The following TRPS1 variants were observed in gnomAD, a reference collection of about 807,000 sequenced individuals.
The protein encoded by TRPS1 is zinc finger transcription factor Trps1.
A neutral mutation model predicts 101.2 loss-of-function variants in TRPS1; 6 were observed. The ratio of observed to expected loss-of-function variants is 0.06; its 90% CI spans 0.03 to 0.12. TRPS1 has a LOEUF of 0.12. TRPS1 is among the 10% of genes least tolerant of loss of function. The pLI, the probability that TRPS1 is intolerant of heterozygous loss-of-function variation, is 1.00. For missense variants in TRPS1, 1,363 were observed against 1,567.0 expected, an observed-to-expected ratio of 0.87 and a Z score of 2.20; for synonymous variants, 578 against 589.8, an observed-to-expected ratio of 0.98 and a Z score of 0.29.
intron 5 of TRPS1, among the ~76,000 whole-genome samples, chr8:115,510,360 T>G (rs549543836): frequency 6.6e-6 from 1 of 152,120 alleles, no homozygotes; most frequent in Non-Finnish European, 1.5e-5. Context: ...GTTCTTAAAA[T>G]TGTGCAGTTG....
chr8:115,426,858 TTAC>T (rs1021851695), intron 5 of TRPS1, among the ~76,000 whole-genome samples: 1 of 152,206 alleles, frequency 6.6e-6, no homozygotes, highest in Non-Finnish European at 1.5e-5. Context: ...GAATTACTAA[TTAC>T]TATTACTCTC....
chr8:115,473,357 G>A (rs1814520663), intron 5 of TRPS1, among the ~76,000 whole-genome samples: 1 of 152,128 alleles, frequency 6.6e-6, no homozygotes, highest in South Asian at 2.1e-4. Flanking sequence ...GATCTCATGA[G>A]AATTCACTCA....
chr8:115,447,468 C>A (rs557714929), intron 5 of TRPS1, among the ~76,000 whole-genome samples: 8 of 152,130 alleles, frequency 5.3e-5, no homozygotes, highest in African/African-American at 1.7e-4. Flanking sequence ...GGCTAATGAG[C>A]TTTTGAGCAA....
At chr8:115,640,783 G>A (rs190712128) in intron 1 of TRPS1, among the ~76,000 whole-genome samples, 67 of 152,288 alleles carry the variant, frequency 4.4e-4, no homozygotes, top group Middle Eastern at 6.8e-3. Flanking sequence ...CTTGGTTAGA[G>A]GTAAACTGAA....
chr8:115,572,411 G>A (rs1027206056), intron 5 of TRPS1, among the ~76,000 whole-genome samples: 1 of 151,710 alleles, frequency 6.6e-6, no homozygotes, highest in Non-Finnish European at 1.5e-5. Context: ...TAATTGAGAA[G>A]GGGTCATTTC....
At chr8:115,647,964 C>A (rs941629974) in intron 1 of TRPS1, among the ~76,000 whole-genome samples, 2 of 151,888 alleles carry the variant, frequency 1.3e-5, no homozygotes, top group African/African-American at 2.4e-5. Flanking sequence ...GTAAGGAACT[C>A]CCTTTTTTGC....
At chr8:115,547,397 A>C (rs1410649982) in intron 5 of TRPS1, among the ~76,000 whole-genome samples, 1 of 151,618 alleles carries the variant, frequency 6.6e-6, no homozygotes, top group Non-Finnish European at 1.5e-5. Context: ...TAATCTGATG[A>C]GTCTTTAGCT....
chr8:115,464,416 A>T (rs1026053016), intron 5 of TRPS1, among the ~76,000 whole-genome samples: 2 of 152,156 alleles, frequency 1.3e-5, no homozygotes, highest in Non-Finnish European at 1.5e-5. Flanking sequence ...TGATGGACTT[A>T]CATCAAACTA....
chr8:115,449,603 A>T (rs1813817773), intron 5 of TRPS1, among the ~76,000 whole-genome samples: 1 of 152,244 alleles, frequency 6.6e-6, no homozygotes, highest in Admixed American at 6.5e-5. Flanking sequence ...CTAATCCAGC[A>T]GCTAGCTAGA....
rs368942289 is a variant in TRPS1 at position 115,528,914 on chromosome 8, A to G, written c.2700+58087T>C. Among the ~76,000 whole-genome samples, 50 of 152,228 alleles carry G rather than the reference A, an allele frequency of 3.3e-4. 1 individual carries two copies. The East Asian group carries it at 8.9e-3, about 27-fold the overall frequency. ...TAGAATGTGAGGTCAACTAGAATAG[A>G]ATCACAAATCAGAGTAGCTAAACAT... On this transcript the variant is annotated intron_variant, in intron 5 of 6. Coordinates refer to ENST00000395715, the MANE Select transcript of TRPS1 (RefSeq NM_014112.5).
At chr8:115,422,248 T>C (rs1813081421) in intron 5 of TRPS1, among the ~76,000 whole-genome samples, 1 of 152,246 alleles carries the variant, frequency 6.6e-6, no homozygotes, top group Non-Finnish European at 1.5e-5. Flanking sequence ...GTTTGTTTTC[T>C]TAAAATCCCT....
chr8:115,453,006 T>C (rs1346057146), intron 5 of TRPS1, among the ~76,000 whole-genome samples: 1 of 152,108 alleles, frequency 6.6e-6, no homozygotes, highest in Non-Finnish European at 1.5e-5. Flanking sequence ...TAAAATAATT[T>C]TGCTTGTCCT....
At chr8:115,663,721 GAAAAA>G (rs1201864123) in intron 1 of TRPS1, among the ~76,000 whole-genome samples, 1 of 76,788 alleles carries the variant, frequency 1.3e-5, no homozygotes. Context: ...CTTGGAAAAG[GAAAAA>G]AAAAAAAAAA....
chr8:115,469,562 G>C (rs1291045287), intron 5 of TRPS1, among the ~76,000 whole-genome samples: 1 of 151,918 alleles, frequency 6.6e-6, no homozygotes, highest in Non-Finnish European at 1.5e-5. Flanking sequence ...GCAGTGGCGT[G>C]ATCCCAGCTC....
chr8:115,566,225 C>T (rs986737160), intron 5 of TRPS1, among the ~76,000 whole-genome samples: 1 of 152,078 alleles, frequency 6.6e-6, no homozygotes, highest in Non-Finnish European at 1.5e-5. Flanking sequence ...TCTGGACAAC[C>T]CCCCAGTCTA....
chr8:115,645,834 C>T (rs1417008058), intron 1 of TRPS1, among the ~76,000 whole-genome samples: 2 of 152,104 alleles, frequency 1.3e-5, no homozygotes, highest in Non-Finnish European at 2.9e-5. Context: ...GAACTCGGCA[C>T]TATTGAATAC....
intron 1 of TRPS1, among the ~76,000 whole-genome samples, chr8:115,649,042 T>C (rs1351257694): frequency 2.0e-5 from 3 of 152,192 alleles, no homozygotes; most frequent in Non-Finnish European, 2.9e-5. Flanking sequence ...TCACAGACTT[T>C]TTACTGTAAT....
At chr8:115,425,239 C>CAGCA (rs1383111096) in intron 5 of TRPS1, among the ~76,000 whole-genome samples, 2 of 152,176 alleles carry the variant, frequency 1.3e-5, no homozygotes, top group African/African-American at 4.8e-5. Context: ...ATGGGCTGTA[C>CAGCA]TGCATGTCTT....
chr8:115,584,368 C>A (rs1417881705), intron 5 of TRPS1, among the ~76,000 whole-genome samples: 1 of 151,890 alleles, frequency 6.6e-6, no homozygotes, highest in Non-Finnish European at 1.5e-5. Flanking sequence ...GTTTACATTT[C>A]TTAAATTGCT....
Sources: gnomAD v4.1 joint callset for allele counts (sites outside exome capture counted in the v4.1 genomes callset) on GRCh38, gnomAD v4.1.1 for gene constraint, MANE v1.5 for transcripts, NCBI Gene and HGNC (gene_info 2026-07-23, HGNC 2026-07-21) for gene names.